Variants in FAR1 observed in about 807,000 individuals in gnomAD.
The protein encoded by FAR1 is male sterility domain-containing protein 2.
FAR1 carries 22 observed loss-of-function variants against 61.1 expected under a neutral mutation model. The observed-to-expected ratio is 0.36, with a 90% CI of 0.26 to 0.51. The LOEUF (loss-of-function observed/expected upper bound fraction) is 0.51. Ranked by LOEUF, FAR1 falls within the 20% of genes least tolerant of loss-of-function variation. The pLI, the probability that FAR1 is intolerant of heterozygous loss-of-function variation, is 0.95. For synonymous variants in FAR1, 206 were observed against 209.7 expected, an observed-to-expected ratio of 0.98 and a Z score of 0.15; for missense variants, 359 against 626.9, an observed-to-expected ratio of 0.57 and a Z score of 4.56.
chr11:13,674,477 T>C (rs557278106), intron 1 of FAR1, among the ~76,000 whole-genome samples: 2 of 152,176 alleles, frequency 1.3e-5, no homozygotes, highest in South Asian at 4.1e-4. Flanking sequence ...GGAGGAGAAA[T>C]TTTAAGCCCG....
Position 13,729,432 on chromosome 11 carries a change from C to G in FAR1, c.*658C>G, listed in dbSNP as rs1358473272. ...GCTATATTATTCTAATGACCCTATT[C>G]GATCTAAATGGGTTTGAGAATCCAT... On this transcript the variant is annotated 3_prime_UTR_variant, in exon 12 of 12. Transcript: ENST00000354817. 1 of 151,794 alleles carries G rather than the reference C, an allele frequency of 6.6e-6. No homozygotes were observed. The highest frequency in any genetic ancestry group is 1.5e-5 in the Non-Finnish European group (1 of 67,826). 9.4% of individuals were successfully genotyped at this position (151,794 alleles called of 1,614,324 possible).
intron 10 of FAR1, 39 bp from the exon 11 acceptor site, chr11:13,727,517 T>C (rs367695245): frequency 3.7e-4 from 569 of 1,556,102 alleles, no homozygotes; most frequent in Non-Finnish European, 4.8e-4. Flanking sequence ...TGAGAAAAAT[T>C]AGTCAAGAAA....
chr11:13,707,837 T>C (rs895881604), intron 3 of FAR1, 63 bp from the exon 4 acceptor site: 2 of 1,241,602 alleles, frequency 1.6e-6, no homozygotes, highest in African/African-American at 1.5e-5. Context: ...GAAAATGATA[T>C]TTTTAACAGG....
intron 9 of FAR1, among the ~76,000 whole-genome samples, chr11:13,714,926 C>T (rs1247139392): frequency 2.6e-5 from 4 of 152,170 alleles, no homozygotes; most frequent in Admixed American, 6.5e-5. Context: ...CTTTAGGCTT[C>T]TTTCTGAATA....
chr11:13,713,060 G>A, intron 8 of FAR1, 27 bp downstream of exon 8: 5 of 1,596,450 alleles, frequency 3.1e-6, no homozygotes, highest in Non-Finnish European at 4.3e-6. Flanking sequence ...GTTTTTGAAT[G>A]TTAGAATAAA....
chr11:13,708,203 A>G, intron 4 of FAR1, 124 bp downstream of exon 4: 1 of 591,118 alleles, frequency 1.7e-6, no homozygotes. Flanking sequence ...CTCACTAAAA[A>G]TACGAAAAAA....
chr11:13,726,483 G>C (rs1459958191), intron 10 of FAR1, among the ~76,000 whole-genome samples: 8 of 151,802 alleles, frequency 5.3e-5, no homozygotes, highest in Non-Finnish European at 1.5e-5. Context: ...TATTTTCATT[G>C]CGTACTTAGA....
chr11:13,682,631 C>T (rs1848140768), intron 1 of FAR1, among the ~76,000 whole-genome samples: 1 of 152,154 alleles, frequency 6.6e-6, no homozygotes, highest in Non-Finnish European at 1.5e-5. Context: ...ACTTTTGAGG[C>T]AGGGTCTCAC....
intron 7 of FAR1, among the ~76,000 whole-genome samples, 170 bp from the exon 8 acceptor site, chr11:13,712,796 A>G (rs1257285510): frequency 6.6e-6 from 1 of 152,132 alleles, no homozygotes; most frequent in Non-Finnish European, 1.5e-5. Flanking sequence ...AAGAAAGGGT[A>G]GTTGTAAATA....
In FAR1 at chr11:13,690,594, C is replaced by T. The variant is rs147256798; in HGVS notation, c.-7-4165C>T. Among the ~76,000 whole-genome samples, 203 of 152,234 alleles carry T rather than the reference C, an allele frequency of 1.3e-3. 1 individual carries two copies. The highest frequency in any genetic ancestry group is 4.6e-3 in the African/African-American group (191 of 41,532). ...TCATTTTTTCTATATGGATAATTGA[C>T]TCTGCACCATTCTCTTCTTGTCCCA... On this transcript the variant is annotated intron_variant, in intron 1 of 11. Transcript: ENST00000354817.
At chr11:13,725,688 A>T (rs1196380080) in intron 10 of FAR1, among the ~76,000 whole-genome samples, 1 of 152,134 alleles carries the variant, frequency 6.6e-6, no homozygotes, top group Non-Finnish European at 1.5e-5. Context: ...TATATGGTGT[A>T]TGTTTCTCCA....
At chr11:13,705,395 C>G (rs1388390816) in intron 3 of FAR1, among the ~76,000 whole-genome samples, 1 of 151,994 alleles carries the variant, frequency 6.6e-6, no homozygotes, top group East Asian at 1.9e-4. Context: ...TTTGGGCTCT[C>G]AGGTACAGAT....
At chr11:13,702,236 A>G (rs897214787) in intron 3 of FAR1, among the ~76,000 whole-genome samples, 1 of 151,826 alleles carries the variant, frequency 6.6e-6, no homozygotes, top group Non-Finnish European at 1.5e-5. Context: ...GTATTTATGT[A>G]CATGTCTTTC....
rs10766106 is a variant in FAR1, at chr11:13,729,958, A to G, written c.*1184A>G. On this transcript the variant is annotated 3_prime_UTR_variant, in exon 12 of 12. Coordinates refer to ENST00000354817, the MANE Select transcript of FAR1 (RefSeq NM_032228.6). The stretch of plus-strand genomic sequence containing the variant: ...GTATCACTTATTTTTTATGCATGTG[A>G]TTTTAGCTTTAGAAAGAAATGCGTT... 123,425 of 152,220 alleles carry G rather than the reference A, an allele frequency of 0.81. 50,441 individuals are homozygous for G. The highest frequency in any genetic ancestry group is 0.86 in the South Asian group (4,165 of 4,820). The allele number at this position is 152,220 out of a possible 1,614,324, so 9.4% of individuals were successfully genotyped here.
chr11:13,679,973 G>T (rs1157794131), intron 1 of FAR1, among the ~76,000 whole-genome samples: 1 of 152,024 alleles, frequency 6.6e-6, no homozygotes, highest in East Asian at 1.9e-4. Context: ...GATATAGACA[G>T]TTAAATATTG....
intron 5 of FAR1, chr11:13,711,188 C>G (rs1042668222): frequency 3.1e-6 from 1 of 318,990 alleles, no homozygotes; most frequent in Non-Finnish European, 5.7e-6. Context: ...GGAGGTAGAC[C>G]CCTTCCTCTG....
intron 1 of FAR1, among the ~76,000 whole-genome samples, chr11:13,676,522 A>G (rs1591253369): frequency 6.6e-6 from 1 of 152,012 alleles, no homozygotes; most frequent in African/African-American, 2.4e-5. Flanking sequence ...GAGCTTAGAA[A>G]CTGTTTTTGG....
intron 1 of FAR1, among the ~76,000 whole-genome samples, chr11:13,690,124 G>A (rs1001001772): frequency 2.6e-5 from 4 of 152,094 alleles, no homozygotes; most frequent in Non-Finnish European, 4.4e-5. Context: ...TAATCTGCCC[G>A]CCTCAGCCTC....
chr11:13,726,727 CT>C lies in FAR1; in HGVS notation c.1258-815del, dbSNP rs896994096. On this transcript the variant is annotated intron_variant, in intron 10 of 11. Transcript: ENST00000354817. ...GTCTTCTCAGATACTGCTTCTCTTC[CT>C]TTTTTTTTTTTTTAAATAACTGTTC... Among the ~76,000 whole-genome samples, 593 of 141,474 alleles carry C rather than the reference CT, an allele frequency of 4.2e-3. 1 individual carries two copies. The highest frequency in any genetic ancestry group is 6.6e-3 in the African/African-American group (258 of 38,954). The allele number at this position is 141,474 out of a possible 152,430, so 92.8% of individuals were successfully genotyped here.
Sources: allele counts gnomAD v4.1 joint callset (sites outside exome capture counted in the v4.1 genomes callset), GRCh38; gene constraint gnomAD v4.1.1; transcripts MANE v1.5; gene names NCBI Gene and HGNC (gene_info 2026-07-23, HGNC 2026-07-21).